HMCN1: variants seen among roughly 807,000 people sequenced by gnomAD.
The protein encoded by HMCN1 is hemicentin-1.
Under a neutral mutation model 625.9 loss-of-function variants are expected in HMCN1, and 321 were observed. The ratio of observed to expected loss-of-function variants is 0.51; its 90% CI spans 0.47 to 0.56. HMCN1 has a LOEUF of 0.56. Ranked by LOEUF, HMCN1 falls within the 20% of genes least tolerant of loss-of-function variation. The pLI, the probability that HMCN1 is intolerant of heterozygous loss-of-function variation, is 0.00. For missense variants in HMCN1, 6,588 were observed against 6,887.3 expected (o/e 0.96, Z 1.54); for synonymous variants, 2,425 against 2,417.6 (o/e 1.00, Z -0.09).
intron 1 of HMCN1, among the ~76,000 whole-genome samples, chr1:185,842,633 G>A (rs1482676903): frequency 6.6e-6 from 1 of 152,074 alleles, no homozygotes; most frequent in African/African-American, 2.4e-5. Flanking sequence ...GGGAGGCCGA[G>A]GCAGGAGGAT....
At position 186,081,342 on chromosome 1, in the gene HMCN1, C is replaced by T. The variant is rs1659158398; in HGVS notation, c.8735C>T (p.Pro2912Leu). 1 of 1,613,442 alleles carries T rather than the reference C, an allele frequency of 6.2e-7. No individual in the cohort carries two copies. Among genetic ancestry groups the T allele is most frequent in the Non-Finnish European group, 8.5e-7 (1 of 1,179,720 alleles). Reference protein sequence around the residue: ...PRNSWQKDGQPLLEDDHHKFL... With the variant: ...PRNSWQKDGQLLLEDDHHKFL... ...AATTCCTGGCAGAAAGATGGACAGCCCTTGCTAGAAGATGACCATCATAAA... is the reference window on the plus strand; with the variant it reads ...AATTCCTGGCAGAAAGATGGACAGCTCTTGCTAGAAGATGACCATCATAAA... The change falls in exon 56 of 107, where the codon CCC becomes CTC. Residue 2912 changes from proline (P) to leucine (L), a missense_variant. Transcript: ENST00000271588.
At chr1:186,179,763 A>ATT (rs111965617) in intron 104 of HMCN1, among the ~76,000 whole-genome samples, 9 of 151,416 alleles carry the variant, frequency 5.9e-5, no homozygotes, top group Middle Eastern at 3.2e-3. Flanking sequence ...TCTATCTTCA[A>ATT]TTTTTTTTGT....
intron 1 of HMCN1, among the ~76,000 whole-genome samples, chr1:185,833,124 T>G (rs1357646336): frequency 6.6e-6 from 1 of 152,230 alleles, no homozygotes; most frequent in Non-Finnish European, 1.5e-5. Flanking sequence ...TCTAAGATTG[T>G]GAATTTATTG....
chr1:186,111,376 G>A (rs905736517), intron 71 of HMCN1, among the ~76,000 whole-genome samples: 10 of 152,116 alleles, frequency 6.6e-5, no homozygotes, highest in African/African-American at 2.4e-4. Flanking sequence ...TGAGCCAGGT[G>A]TGGTGGTTCG....
intron 80 of HMCN1, among the ~76,000 whole-genome samples, chr1:186,121,132 T>G (rs1661377837): frequency 6.6e-6 from 1 of 150,868 alleles, no homozygotes; most frequent in South Asian, 2.1e-4. Context: ...CAAGAAAGAG[T>G]GAGAAAAGAA....
intron 1 of HMCN1, among the ~76,000 whole-genome samples, chr1:185,823,730 G>A (rs534714007): frequency 2.5e-4 from 38 of 152,214 alleles, no homozygotes; most frequent in African/African-American, 8.9e-4. Flanking sequence ...AAGGACCTGT[G>A]TGTCTTTCCT....
At chr1:185,913,657 AC>A (rs1666547860) in intron 6 of HMCN1, among the ~76,000 whole-genome samples, 1 of 152,098 alleles carries the variant, frequency 6.6e-6, no homozygotes. Context: ...CAGTACTTGT[AC>A]CTATTTCCAG....
intron 15 of HMCN1, among the ~76,000 whole-genome samples, chr1:185,977,375 TCAAC>T (rs908431099): frequency 3.9e-5 from 6 of 152,128 alleles, no homozygotes; most frequent in Non-Finnish European, 7.4e-5. Flanking sequence ...ATTTAAAAAT[TCAAC>T]CAAAGGAGTA....
Position 185,980,878 on chromosome 1 carries a change from G to A in HMCN1, c.2567-100G>A, listed in dbSNP as rs1651582160. 30 of 797,802 alleles carry A rather than the reference G, an allele frequency of 3.8e-5. No homozygotes were observed. In the East Asian group the frequency reaches 7.1e-4, roughly 19 times the overall value. 49.4% of individuals were successfully genotyped at this position (797,802 alleles called of 1,614,324 possible). A position where few individuals can be genotyped will look rare whatever the true frequency, so the allele number is the denominator to read the frequency against. Reference sequence around the variant, plus strand: ...TGTATGTCCCTTCTTCAACCAGAAGGCAGTGCACACTTTCCATGCACAGAT... The same window carrying A: ...TGTATGTCCCTTCTTCAACCAGAAGACAGTGCACACTTTCCATGCACAGAT... On this transcript the variant is annotated intron_variant, in intron 16 of 106. Transcript: ENST00000271588.
chr1:186,136,637 A>C (rs765407983), intron 86 of HMCN1, 31 bp from the exon 87 acceptor site: 42 of 1,612,106 alleles, frequency 2.6e-5, no homozygotes, highest in Non-Finnish European at 3.2e-5. Context: ...AACTCCACAA[A>C]AACTGAGACA....
chr1:185,851,271 G>T (rs555037145), intron 2 of HMCN1, among the ~76,000 whole-genome samples: 1 of 152,112 alleles, frequency 6.6e-6, no homozygotes, highest in South Asian at 2.1e-4. Flanking sequence ...TTTAAAAAAA[G>T]AAAACCTTTA....
intron 1 of HMCN1, among the ~76,000 whole-genome samples, chr1:185,839,842 GTTATACCCCTTA>G: frequency 6.6e-6 from 1 of 152,104 alleles, no homozygotes. Context: ...TATATTTAAA[GTTATACCCCTTA>G]TTGTTAAGTG....
At chr1:185,802,243 G>T (rs1052977460) in intron 1 of HMCN1, among the ~76,000 whole-genome samples, 1 of 152,088 alleles carries the variant, frequency 6.6e-6, no homozygotes, top group Non-Finnish European at 1.5e-5. Context: ...CATAGACATG[G>T]GAACCAGTAG....
intron 41 of HMCN1, 119 bp downstream of exon 41, chr1:186,045,982 C>A: frequency 1.3e-6 from 1 of 742,690 alleles, no homozygotes; most frequent in Non-Finnish European, 2.2e-6. Flanking sequence ...TTACAAAATT[C>A]TAGGAACCCT....
intron 26 of HMCN1, among the ~76,000 whole-genome samples, chr1:186,000,443 A>G (rs1289923762): frequency 6.6e-6 from 1 of 151,992 alleles, no homozygotes; most frequent in Non-Finnish European, 1.5e-5. Flanking sequence ...TTCAAAATTC[A>G]AATGGTAGAA....
At chr1:186,160,647 C>T (rs949906403) in intron 97 of HMCN1, among the ~76,000 whole-genome samples, 1 of 152,098 alleles carries the variant, frequency 6.6e-6, no homozygotes, top group South Asian at 2.1e-4. Flanking sequence ...TTTCAAAGAA[C>T]ATCTTTATTT....
intron 101 of HMCN1, among the ~76,000 whole-genome samples, 191 bp from the exon 102 acceptor site, chr1:186,171,813 GTT>G (rs1419523914): frequency 1.3e-5 from 2 of 151,934 alleles, no homozygotes; most frequent in African/African-American, 4.8e-5. Flanking sequence ...AATATTTTGT[GTT>G]TGTTTTTGAT....
chr1:186,044,147 G>A (rs1376174059), intron 40 of HMCN1, among the ~76,000 whole-genome samples: 1 of 152,166 alleles, frequency 6.6e-6, no homozygotes, highest in Non-Finnish European at 1.5e-5. Flanking sequence ...AGTAGTTTTA[G>A]TCTCAGAATA....
chr1:186,021,064 C>T lies in HMCN1; in HGVS notation c.5625+1369C>T, dbSNP rs150235374. Reference sequence around the variant, plus strand: ...ATAGATATGTAGAAACCAATTAGAACCTAGTTACATTTGTCTAGGAGAGAG... The same window carrying T: ...ATAGATATGTAGAAACCAATTAGAATCTAGTTACATTTGTCTAGGAGAGAG... On this transcript the variant is annotated intron_variant, in intron 35 of 106. Coordinates refer to ENST00000271588, the MANE Select transcript of HMCN1 (RefSeq NM_031935.3). Among the ~76,000 whole-genome samples the T allele has an allele frequency of 1.1e-4, 17 of 152,136 alleles. No individual in the cohort carries two copies. In the East Asian group the frequency reaches 3.3e-3, roughly 29 times the overall value.
Sources: allele counts gnomAD v4.1 joint callset (sites outside exome capture counted in the v4.1 genomes callset), GRCh38; gene constraint gnomAD v4.1.1; transcripts MANE v1.5; gene names NCBI Gene and HGNC (gene_info 2026-07-23, HGNC 2026-07-21).